Variants in TUBB6 observed in about 807,000 individuals in gnomAD.
The protein encoded by TUBB6 is tubulin beta-6 chain.
In TUBB6, 18 loss-of-function variants were observed where a neutral mutation model predicts 32.3. The observed-to-expected ratio is 0.56, with a 90% CI of 0.39 to 0.83. The LOEUF (loss-of-function observed/expected upper bound fraction) is 0.83, where lower values mean the gene tolerates loss of function less well. Among genes scored for constraint, TUBB6 ranks in the 40% least tolerant of loss-of-function variants. The pLI is 0.00. For synonymous variants in TUBB6, 280 were observed against 265.8 expected (o/e 1.05, Z -0.52); for missense variants, 480 against 632.0 (o/e 0.76, Z 2.58).
chr18:12,314,170 C>T (rs1568120774), intron 3 of TUBB6, among the ~76,000 whole-genome samples: 1 of 152,112 alleles, frequency 6.6e-6, no homozygotes, highest in African/African-American at 2.4e-5. Flanking sequence ...GACCCTAGCT[C>T]TGTGCCCGCT....
At chr18:12,308,441 C>G in intron 1 of TUBB6, 92 bp downstream of exon 1, 9 of 1,036,354 alleles carry the variant, frequency 8.7e-6, no homozygotes, top group Non-Finnish European at 1.1e-5. Context: ...CGCGCACCCG[C>G]TGTGCGCCCC....
At position 12,312,252 on chromosome 18, in the gene TUBB6, A is replaced by T. The variant is rs529959843; in HGVS notation, c.277+1199A>T. ...AAGCTGTATATCAAACTTACTTAAAAATATAGATGCAAAAATCCAAAATAA... is the reference window on the plus strand; with the variant it reads ...AAGCTGTATATCAAACTTACTTAAATATATAGATGCAAAAATCCAAAATAA... On this transcript the variant is annotated intron_variant, in intron 3 of 3. Transcript: ENST00000317702. Among the ~76,000 whole-genome samples, 4 of 152,254 alleles carry T rather than the reference A, an allele frequency of 2.6e-5. No individual in the cohort carries two copies. The East Asian group carries it at 7.7e-4, about 29-fold the overall frequency.
rs770131649 is a variant in TUBB6, at chr18:12,325,957, C to A, written c.1168C>A (p.Arg390=). 1 of 1,614,064 alleles carries A rather than the reference C, an allele frequency of 6.2e-7. No homozygotes were observed. The highest frequency in any genetic ancestry group is 1.3e-5 in the African/African-American group (1 of 75,058). Residue 390 remains arginine, a synonymous_variant, in exon 4 of 4, where the codon CGG becomes AGG. Transcript: ENST00000317702. ...CTCCGAGCAGTTCTCAGCCATGTTCCGGCGCAAGGCCTTCCTGCACTGGTT... is the reference window on the plus strand; with the variant it reads ...CTCCGAGCAGTTCTCAGCCATGTTCAGGCGCAAGGCCTTCCTGCACTGGTT... The part of the protein sequence containing the change: ...RISEQFSAMF[R]RKAFLHWFTG...
chr18:12,322,050 C>T (rs1174952141), intron 3 of TUBB6, among the ~76,000 whole-genome samples: 1 of 152,130 alleles, frequency 6.6e-6, no homozygotes, highest in African/African-American at 2.4e-5. Flanking sequence ...CCTGTAATCC[C>T]AGCACTTTGG....
chr18:12,328,704 C>T (rs566309114), downstream of TUBB6, among the ~76,000 whole-genome samples: 7 of 152,364 alleles, frequency 4.6e-5, no homozygotes, highest in South Asian at 6.2e-4. Flanking sequence ...AGGACCTGCA[C>T]TGGGGTGGTT....
Position 12,308,354 on chromosome 18 carries a change from GC to G in TUBB6, c.57+7del. The G allele has an allele frequency of 6.8e-7, 1 of 1,467,022 alleles. No individual in the cohort carries two copies. The highest frequency in any genetic ancestry group is 9.1e-7 in the Non-Finnish European group (1 of 1,104,790). 90.9% of individuals were successfully genotyped at this position (1,467,022 alleles called of 1,614,324 possible). On this transcript the variant is annotated splice_donor_region_variant and intron_variant, in intron 1 of 3. Transcript: ENST00000317702. ...GGGAACCAGATCGGCACCAAGGTGGGCCTGGCGCGGTGCAGGGCCTCTCCGC... is the reference window on the plus strand; with the variant it reads ...GGGAACCAGATCGGCACCAAGGTGGGCTGGCGCGGTGCAGGGCCTCTCCGC...
intron 2 of TUBB6, among the ~76,000 whole-genome samples, chr18:12,309,079 G>T (rs1052284810): frequency 6.6e-6 from 1 of 152,194 alleles, no homozygotes; most frequent in African/African-American, 2.4e-5. Flanking sequence ...AGCCGGGCGC[G>T]GTGGCTCAAG....
downstream of TUBB6, chr18:12,329,493 G>T: frequency 6.7e-7 from 1 of 1,491,994 alleles, no homozygotes; most frequent in Non-Finnish European, 9.3e-7. Flanking sequence ...CCATTCTTCT[G>T]AAAGCCACAG....
At chr18:12,310,029 C>A (rs1906274811) in intron 2 of TUBB6, among the ~76,000 whole-genome samples, 1 of 152,244 alleles carries the variant, frequency 6.6e-6, no homozygotes, top group South Asian at 2.1e-4. Context: ...AACTTCCTAA[C>A]AGGAAAGAGG....
At chr18:12,323,012 G>A (rs1907068783) in intron 3 of TUBB6, among the ~76,000 whole-genome samples, 2 of 151,836 alleles carry the variant, frequency 1.3e-5, no homozygotes, top group Non-Finnish European at 2.9e-5. Flanking sequence ...AATAATAGAT[G>A]TTAACTTTAA....
At chr18:12,307,939 C>G (rs1297888239), upstream of TUBB6, 1 of 152,094 alleles carries the variant, frequency 6.6e-6, no homozygotes, top group Non-Finnish European at 1.5e-5. Context: ...TCCGCTGCCC[C>G]GACGCCAGGG....
chr18:12,329,712 T>C, downstream of TUBB6: 7 of 1,614,212 alleles, frequency 4.3e-6, no homozygotes, highest in Non-Finnish European at 5.9e-6. Flanking sequence ...TTTCCGCAAA[T>C]GGTCTGGGGC....
At chr18:12,329,321 C>T (rs533711447), downstream of TUBB6, 29 of 675,348 alleles carry the variant, frequency 4.3e-5, no homozygotes, top group South Asian at 6.3e-5. Flanking sequence ...CTTTCCAGCA[C>T]GTCTGGGAGC....
downstream of TUBB6, chr18:12,329,771 A>G (rs1309527824): frequency 1.2e-6 from 2 of 1,613,704 alleles, no homozygotes; most frequent in South Asian, 2.2e-5. Flanking sequence ...TTTTCTAACA[A>G]CAGAAGAGCA....
chr18:12,308,676 C>A lies in TUBB6; in HGVS notation c.58-11C>A. The A allele has an allele frequency of 1.9e-6, 3 of 1,588,032 alleles. No individual in the cohort carries two copies. The highest frequency in any genetic ancestry group is 2.6e-6 in the Non-Finnish European group (3 of 1,157,086). On this transcript the variant is annotated splice_polypyrimidine_tract_variant and intron_variant, in intron 1 of 3. Coordinates refer to ENST00000317702, the MANE Select transcript of TUBB6 (RefSeq NM_032525.3). ...TCTGAGCGTCTGTCCCCCCGCCTTG[C>A]CCTGCCCAAGTTTTGGGAAGTGATC...
downstream of TUBB6, chr18:12,329,504 C>T: frequency 1.3e-6 from 2 of 1,534,654 alleles, no homozygotes; most frequent in Non-Finnish European, 1.8e-6. Context: ...AAAGCCACAG[C>T]TGAAATAATG....
intron 3 of TUBB6, chr18:12,320,765 TTTA>T (rs1190956498): frequency 6.6e-6 from 1 of 152,262 alleles, no homozygotes; most frequent in Admixed American, 6.5e-5. Context: ...TGTTCCCCTT[TTTA>T]TTATTATAAA....
At chr18:12,315,273 T>C (rs1906611087) in intron 3 of TUBB6, among the ~76,000 whole-genome samples, 1 of 152,232 alleles carries the variant, frequency 6.6e-6, no homozygotes, top group South Asian at 2.1e-4. Flanking sequence ...GGAAGCTGTT[T>C]CTTTTCAGCT....
chr18:12,308,803 G>C lies in TUBB6; in HGVS notation c.166+8G>C. ...ACTACAATGAGTCATCGTGTGAGTA[G>C]CAAGGCCGCCGCGCCCTGCCCGGCC... is the stretch of plus-strand genomic sequence containing the variant. On this transcript the variant is annotated splice_region_variant and intron_variant, in intron 2 of 3. Transcript: ENST00000317702. The C allele has an allele frequency of 1.9e-6, 3 of 1,567,450 alleles. No homozygotes were observed. The highest frequency in any genetic ancestry group is 2.6e-6 in the Non-Finnish European group (3 of 1,138,302).
Sources: gnomAD v4.1 joint callset for allele counts (sites outside exome capture counted in the v4.1 genomes callset) on GRCh38, gnomAD v4.1.1 for gene constraint, MANE v1.5 for transcripts, NCBI Gene and HGNC (gene_info 2026-07-23, HGNC 2026-07-21) for gene names.